The following GRAMD2B variants were observed in gnomAD, a reference collection of about 807,000 sequenced individuals.
GRAMD2B encodes GRAM domain-containing protein 2B.
In GRAMD2B, 41 loss-of-function variants were observed where a neutral mutation model predicts 59.2. The ratio of observed to expected loss-of-function variants is 0.69; its 90% CI spans 0.54 to 0.90. The LOEUF (loss-of-function observed/expected upper bound fraction) is 0.90. Ranked by LOEUF, GRAMD2B falls within the 40% of genes least tolerant of loss-of-function variation. The pLI is 0.00. For synonymous variants in GRAMD2B, 161 were observed against 182.7 expected (o/e 0.88, Z 0.96); for missense variants, 424 against 500.5 (o/e 0.85, Z 1.46).
At position 126,485,783 on chromosome 5, in the gene GRAMD2B, T is replaced by A. The variant is rs1653768473; in HGVS notation, c.1058+10T>A. On this transcript the variant is annotated intron_variant, in intron 11 of 13. Coordinates refer to ENST00000285689, the MANE Select transcript of GRAMD2B (RefSeq NM_023927.4). Reference sequence around the variant, plus strand: ...TATTCTATGCAATTGTGTAAGTACATGAATTTACTGTGAGTGACTAAGAAA... The same window carrying A: ...TATTCTATGCAATTGTGTAAGTACAAGAATTTACTGTGAGTGACTAAGAAA... 1.3e-6 allele frequency: 2 copies of A among 1,513,368 alleles called. No individual in the cohort carries two copies. Among genetic ancestry groups the A allele is most frequent in the Admixed American group, 3.4e-5 (2 of 58,300 alleles). The allele number at this position is 1,513,368 out of a possible 1,614,324, so 93.7% of individuals were successfully genotyped here.
At chr5:126,459,622 T>C (rs893071185) in intron 1 of GRAMD2B, among the ~76,000 whole-genome samples, 1 of 152,192 alleles carries the variant, frequency 6.6e-6, no homozygotes, top group Non-Finnish European at 1.5e-5. Flanking sequence ...GAAAATACAC[T>C]CAGCTTTACT....
intron 11 of GRAMD2B, 97 bp from the exon 12 acceptor site, chr5:126,486,776 C>A: frequency 1.5e-6 from 1 of 664,998 alleles, no homozygotes; most frequent in Non-Finnish European, 2.7e-6. Flanking sequence ...TTGGAAAATA[C>A]CTTGCCTCGG....
At chr5:126,439,120 C>T (rs1354603728) in intron 1 of GRAMD2B, among the ~76,000 whole-genome samples, 1 of 152,042 alleles carries the variant, frequency 6.6e-6, no homozygotes, top group African/African-American at 2.4e-5. Context: ...TGCCATTCCA[C>T]CCACATGGCC....
chr5:126,401,507 T>C (rs1428780947), intron 1 of GRAMD2B, among the ~76,000 whole-genome samples: 2 of 151,950 alleles, frequency 1.3e-5, no homozygotes, highest in Admixed American at 6.6e-5. Flanking sequence ...GTTTCCTTGA[T>C]TTTTTTTCAT....
At chr5:126,375,788 A>C (rs993570122) in intron 1 of GRAMD2B, among the ~76,000 whole-genome samples, 4 of 152,180 alleles carry the variant, frequency 2.6e-5, no homozygotes, top group Non-Finnish European at 4.4e-5. Context: ...GAATGCTTTT[A>C]ATATTTCAGG....
At chr5:126,466,999 A>G (rs1448214438) in intron 2 of GRAMD2B, among the ~76,000 whole-genome samples, 1 of 152,104 alleles carries the variant, frequency 6.6e-6, no homozygotes, top group Non-Finnish European at 1.5e-5. Context: ...AATAATTTTT[A>G]TGTAAGGGGG....
chr5:126,381,878 T>G (rs1007242917), intron 1 of GRAMD2B, among the ~76,000 whole-genome samples: 1 of 152,186 alleles, frequency 6.6e-6, no homozygotes, highest in Non-Finnish European at 1.5e-5. Context: ...GCTCTTGTAG[T>G]GTTGGCTTGG....
In GRAMD2B at chr5:126,486,654, C is replaced by T. The variant is rs150197623; in HGVS notation, c.1059-219C>T. 7.6e-4 allele frequency among the ~76,000 whole-genome samples: 116 copies of T among 152,268 alleles called. No individual in the cohort carries two copies. In the Middle Eastern group the frequency reaches 0.017, roughly 22 times the overall value. Reference sequence around the variant, plus strand: ...GTGCTATTAGAAGGGCCATTATTTGCAAATTAAGGGACTTGGGCTAGAGGA... The same window carrying T: ...GTGCTATTAGAAGGGCCATTATTTGTAAATTAAGGGACTTGGGCTAGAGGA... On this transcript the variant is annotated intron_variant, in intron 11 of 13. Coordinates refer to ENST00000285689, the MANE Select transcript of GRAMD2B (RefSeq NM_023927.4).
intron 1 of GRAMD2B, among the ~76,000 whole-genome samples, chr5:126,371,868 C>A (rs1003325179): frequency 2.0e-5 from 3 of 152,184 alleles, no homozygotes; most frequent in African/African-American, 7.2e-5. Context: ...TCTTGACTCA[C>A]TCTCAGGTTC....
At chr5:126,462,478 G>A (rs1431277250) in intron 1 of GRAMD2B, 1 of 983,988 alleles carries the variant, frequency 1.0e-6, no homozygotes, top group Non-Finnish European at 1.2e-6. Flanking sequence ...TTGCCTGTGT[G>A]AGGAATTAAC....
intron 1 of GRAMD2B, among the ~76,000 whole-genome samples, chr5:126,450,977 G>A (rs1173643627): frequency 6.6e-6 from 1 of 152,270 alleles, no homozygotes; most frequent in Non-Finnish European, 1.5e-5. Context: ...CCCCCACACA[G>A]AGTGCCCAAC....
chr5:126,449,414 T>A (rs1390567303), intron 1 of GRAMD2B, among the ~76,000 whole-genome samples: 1 of 152,222 alleles, frequency 6.6e-6, no homozygotes, highest in Non-Finnish European at 1.5e-5. Context: ...ACAAACCACA[T>A]GGATAACTTC....
chr5:126,379,444 T>C (rs1755475910), intron 1 of GRAMD2B, among the ~76,000 whole-genome samples: 1 of 152,222 alleles, frequency 6.6e-6, no homozygotes, highest in African/African-American at 2.4e-5. Flanking sequence ...CTGGATCAAA[T>C]GGTAGATCTA....
rs1172733250 is a variant in GRAMD2B, at chr5:126,469,917, TAGA to T, written c.315+134_315+136del. The T allele has an allele frequency of 1.4e-5, 9 of 644,150 alleles. No individual in the cohort carries two copies. In the East Asian group the frequency reaches 2.1e-4, roughly 15 times the overall value. 39.9% of individuals were successfully genotyped at this position (644,150 alleles called of 1,614,324 possible). ...ATATAGGTATAGAGTTTAGAGAATT[TAGA>T]AGAACAAACAGGCAGCAGTTCCTCC... On this transcript the variant is annotated intron_variant, in intron 3 of 13. Transcript: ENST00000285689.
Position 126,375,544 on chromosome 5 carries a change from G to A in GRAMD2B, c.125+3977G>A, listed in dbSNP as rs1755112547. On this transcript the variant is annotated intron_variant, in intron 1 of 8. Transcript: ENST00000506445. ...GCCACCACACCTGGCTAATTTTTTTGTATTTTTAATAGAGACAGGGTTTCA... is the reference window on the plus strand; with the variant it reads ...GCCACCACACCTGGCTAATTTTTTTATATTTTTAATAGAGACAGGGTTTCA... Among the ~76,000 whole-genome samples the A allele has an allele frequency of 2.0e-5, 3 of 151,894 alleles. No individual in the cohort carries two copies. The South Asian group carries it at 6.2e-4, about 32-fold the overall frequency.
intron 1 of GRAMD2B, among the ~76,000 whole-genome samples, chr5:126,450,991 G>T (rs560992036): frequency 2.6e-5 from 4 of 152,364 alleles, no homozygotes; most frequent in Non-Finnish European, 5.9e-5. Context: ...GCCCAACAGG[G>T]CACTGCCTAG....
Position 126,481,406 on chromosome 5 carries a change from C to T in GRAMD2B, c.735+699C>T, listed in dbSNP as rs534222347. Among the ~76,000 whole-genome samples, 8 of 152,196 alleles carry T rather than the reference C, an allele frequency of 5.3e-5. 1 individual carries two copies. In the South Asian group the frequency reaches 1.7e-3, roughly 32 times the overall value. On this transcript the variant is annotated intron_variant, in intron 8 of 13. Transcript: ENST00000285689. ...GTTATAATGTTTTCCCAAGAGAGTT[C>T]CAACCATACCATTCAAATGATTATA...
intron 1 of GRAMD2B, among the ~76,000 whole-genome samples, chr5:126,363,799 G>A (rs1476527122): frequency 2.6e-5 from 4 of 152,282 alleles, no homozygotes; most frequent in Middle Eastern, 3.4e-3. Flanking sequence ...GTTAGTGGTT[G>A]CTTAGGGCAG....
intron 1 of GRAMD2B, among the ~76,000 whole-genome samples, chr5:126,434,505 C>CA (rs1762076416): frequency 6.8e-6 from 1 of 146,924 alleles, no homozygotes; most frequent in African/African-American, 2.7e-5. Flanking sequence ...GACAATTATC[C>CA]TTTTTTTTAT....
Sources: gnomAD v4.1 joint callset for allele counts (sites outside exome capture counted in the v4.1 genomes callset) on GRCh38, gnomAD v4.1.1 for gene constraint, MANE v1.5 for transcripts, NCBI Gene and HGNC (gene_info 2026-07-23, HGNC 2026-07-21) for gene names.